Variants in ABTB3 observed in about 807,000 individuals in gnomAD.
The protein encoded by ABTB3 is ankyrin repeat- and BTB/POZ domain-containing protein 3.
chr12:107,513,524 T>G, the ABTB3 span, among the ~76,000 whole-genome samples: 1 of 152,208 alleles, frequency 6.6e-6, no homozygotes, highest in Non-Finnish European at 1.5e-5. Context: ...GCTTCTCCTT[T>G]GCCTTCTGCC....
the ABTB3 span, among the ~76,000 whole-genome samples, chr12:107,626,569 C>T: frequency 1.3e-5 from 2 of 151,788 alleles, no homozygotes; most frequent in Admixed American, 6.6e-5. Context: ...AGGATAGTCT[C>T]GATCTCCTGA....
At chr12:107,319,295 G>A in the ABTB3 span, 1 of 1,542,976 alleles carries the variant, frequency 6.5e-7, no homozygotes, top group Admixed American at 2.0e-5. Context: ...GGCAGGCCCG[G>A]CGGTCCCCGG....
At chr12:107,562,567 A>C in the ABTB3 span, among the ~76,000 whole-genome samples, 3 of 152,256 alleles carry the variant, frequency 2.0e-5, no homozygotes, top group Admixed American at 6.5e-5. Flanking sequence ...CAAGGTGGGC[A>C]GGGTCAGATC....
At chr12:107,550,829 T>C in the ABTB3 span, among the ~76,000 whole-genome samples, 2 of 152,116 alleles carry the variant, frequency 1.3e-5, no homozygotes. Flanking sequence ...GTGATCCGCC[T>C]GTCTCGGCCT....
the ABTB3 span, among the ~76,000 whole-genome samples, chr12:107,346,412 G>A: frequency 2.6e-4 from 39 of 152,260 alleles, no homozygotes; most frequent in African/African-American, 7.7e-4. Context: ...ATAGCTCTTC[G>A]TTACAAGAAA....
chr12:107,420,934 C>T, the ABTB3 span, among the ~76,000 whole-genome samples: 4 of 152,102 alleles, frequency 2.6e-5, no homozygotes, highest in Non-Finnish European at 4.4e-5. Flanking sequence ...GGGAGCTGCC[C>T]GAATCATTAC....
chr12:107,640,322 C>G, the ABTB3 span: 12 of 1,568,464 alleles, frequency 7.7e-6, no homozygotes, highest in Non-Finnish European at 1.0e-5. Flanking sequence ...TCCTCATTTT[C>G]TTAACAATAA....
chr12:107,320,676 G>A, the ABTB3 span: 3 of 456,116 alleles, frequency 6.6e-6, no homozygotes, highest in East Asian at 1.4e-4. Flanking sequence ...ACTTGTCGGT[G>A]CCAAGTTTTT....
the ABTB3 span, among the ~76,000 whole-genome samples, chr12:107,383,579 C>G: frequency 3.3e-5 from 5 of 151,976 alleles, no homozygotes; most frequent in East Asian, 5.8e-4. Context: ...AGTAAGTGGT[C>G]AATAAGTGTT....
chr12:107,346,662 T>C, the ABTB3 span, among the ~76,000 whole-genome samples: 1 of 152,176 alleles, frequency 6.6e-6, no homozygotes, highest in Non-Finnish European at 1.5e-5. Flanking sequence ...GTTTTCACTG[T>C]GTTAGCCAGG....
At chr12:107,334,893 G>A in the ABTB3 span, among the ~76,000 whole-genome samples, 2 of 152,134 alleles carry the variant, frequency 1.3e-5, no homozygotes, top group African/African-American at 4.8e-5. Context: ...GTGGTCCCTT[G>A]CATCAGGTGG....
chr12:107,446,269 G>A, the ABTB3 span, among the ~76,000 whole-genome samples: 1 of 152,048 alleles, frequency 6.6e-6, no homozygotes, highest in Non-Finnish European at 1.5e-5. Flanking sequence ...AGTTAGTCTG[G>A]GTAGAACAAG....
the ABTB3 span, among the ~76,000 whole-genome samples, chr12:107,553,756 T>C: frequency 6.6e-6 from 1 of 152,156 alleles, no homozygotes; most frequent in Non-Finnish European, 1.5e-5. Context: ...CTGGCCAACA[T>C]GGCAAAACCC....
At chr12:107,374,588 C>A in the ABTB3 span, among the ~76,000 whole-genome samples, 1 of 152,212 alleles carries the variant, frequency 6.6e-6, no homozygotes, top group African/African-American at 2.4e-5. Flanking sequence ...CTTGGCTGTC[C>A]TGCTGAAAGT....
chr12:107,548,152 A>G, the ABTB3 span, among the ~76,000 whole-genome samples: 1 of 150,624 alleles, frequency 6.6e-6, no homozygotes, highest in Non-Finnish European at 1.5e-5. Context: ...AGAAGTTAGG[A>G]CTCTAATTTG....
chr12:107,385,904 C>A, the ABTB3 span, among the ~76,000 whole-genome samples: 14 of 152,326 alleles, frequency 9.2e-5, no homozygotes, highest in Admixed American at 9.1e-4. Flanking sequence ...GCCAGGACCA[C>A]AGCAGGCCTG....
the ABTB3 span, among the ~76,000 whole-genome samples, chr12:107,388,939 A>G: frequency 1.3e-5 from 2 of 152,164 alleles, no homozygotes; most frequent in Non-Finnish European, 2.9e-5. Flanking sequence ...GAGTTTGCTT[A>G]GATTTTGTGT....
chr12:107,641,969 C>T, the ABTB3 span: 1 of 858,170 alleles, frequency 1.2e-6, no homozygotes, highest in South Asian at 1.4e-5. Flanking sequence ...TATACCAGTG[C>T]TATATTTCAG....
At chr12:107,620,635 G>T in the ABTB3 span, among the ~76,000 whole-genome samples, 15 of 152,114 alleles carry the variant, frequency 9.9e-5, no homozygotes, top group Admixed American at 4.6e-4. Context: ...CAGCTTTCTG[G>T]ATAAACAGAA....
Sources: allele counts gnomAD v4.1 joint callset (sites outside exome capture counted in the v4.1 genomes callset), GRCh38; gene constraint gnomAD v4.1.1; transcripts MANE v1.5; gene names NCBI Gene and HGNC (gene_info 2026-07-23, HGNC 2026-07-21).